The following CNTNAP5 variants were observed in gnomAD, a reference collection of about 807,000 sequenced individuals.
The protein encoded by CNTNAP5 is contactin-associated protein-like 5.
CNTNAP5 carries 72 observed loss-of-function variants against 150.2 expected under a neutral mutation model. That is an observed-to-expected ratio of 0.48 (90% CI 0.40 to 0.58). The LOEUF (loss-of-function observed/expected upper bound fraction) is 0.58, where lower values mean the gene tolerates loss of function less well. Among genes scored for constraint, CNTNAP5 ranks in the 20% least tolerant of loss-of-function variants. The pLI is 0.00. For synonymous variants in CNTNAP5, 672 were observed against 619.8 expected (o/e 1.08, Z -1.25); for missense variants, 1,636 against 1,626.2 (o/e 1.01, Z -0.10).
intron 19 of CNTNAP5, among the ~76,000 whole-genome samples, chr2:124,848,744 A>G (rs1464946907): frequency 6.6e-6 from 1 of 152,152 alleles, no homozygotes; most frequent in African/African-American, 2.4e-5. Flanking sequence ...CATTTCTCTG[A>G]TGAGTAGCGA....
intron 11 of CNTNAP5, among the ~76,000 whole-genome samples, chr2:124,589,811 A>G (rs1263502502): frequency 6.6e-6 from 1 of 152,194 alleles, no homozygotes; most frequent in African/African-American, 2.4e-5. Flanking sequence ...GACTTGCACA[A>G]TCACTGCCAT....
chr2:124,349,645 G>A (rs1360167781), intron 3 of CNTNAP5, among the ~76,000 whole-genome samples: 1 of 152,090 alleles, frequency 6.6e-6, no homozygotes, highest in Non-Finnish European at 1.5e-5. Context: ...CAATTCAGTG[G>A]CATTTCCTTC....
At chr2:124,626,559 C>G (rs1335555329) in intron 12 of CNTNAP5, among the ~76,000 whole-genome samples, 2 of 152,142 alleles carry the variant, frequency 1.3e-5, no homozygotes, top group African/African-American at 4.8e-5. Flanking sequence ...TGGATTTTTG[C>G]CATCTGTGGA....
intron 14 of CNTNAP5, among the ~76,000 whole-genome samples, chr2:124,753,612 C>A (rs1229040552): frequency 6.6e-6 from 1 of 152,160 alleles, no homozygotes; most frequent in Non-Finnish European, 1.5e-5. Context: ...ATCATATATT[C>A]CAGGTTTATT....
intron 6 of CNTNAP5, among the ~76,000 whole-genome samples, chr2:124,452,760 A>T (rs1453261351): frequency 6.6e-6 from 1 of 152,144 alleles, no homozygotes; most frequent in Non-Finnish European, 1.5e-5. Context: ...GGGTGGCCAG[A>T]TCCAGAAGAG....
intron 3 of CNTNAP5, among the ~76,000 whole-genome samples, chr2:124,348,907 A>C (rs1278560349): frequency 6.6e-6 from 1 of 152,112 alleles, no homozygotes; most frequent in Non-Finnish European, 1.5e-5. Flanking sequence ...AATTCTCTCT[A>C]TATGTCTATG....
At chr2:124,843,478 C>A (rs1447076790) in intron 19 of CNTNAP5, among the ~76,000 whole-genome samples, 1 of 152,112 alleles carries the variant, frequency 6.6e-6, no homozygotes, top group East Asian at 1.9e-4. Context: ...TATAAACATG[C>A]ATGTGCAAGT....
At chr2:124,250,002 TTTG>T (rs1236948278) in intron 3 of CNTNAP5, among the ~76,000 whole-genome samples, 6 of 151,576 alleles carry the variant, frequency 4.0e-5, no homozygotes, top group Non-Finnish European at 8.8e-5. Context: ...TATGTGTTTC[TTTG>T]TTGTTGTTTT....
At chr2:124,278,495 T>C (rs1443019909) in intron 3 of CNTNAP5, among the ~76,000 whole-genome samples, 1 of 152,094 alleles carries the variant, frequency 6.6e-6, no homozygotes, top group Middle Eastern at 3.2e-3. Flanking sequence ...CTATCCACAA[T>C]CAAAACAAAG....
intron 3 of CNTNAP5, among the ~76,000 whole-genome samples, chr2:124,405,199 C>T (rs1210896834): frequency 1.3e-5 from 2 of 151,990 alleles, no homozygotes; most frequent in East Asian, 1.9e-4. Flanking sequence ...CATGAGGCGG[C>T]GAGACTACAT....
intron 3 of CNTNAP5, among the ~76,000 whole-genome samples, chr2:124,341,032 T>C (rs1271011697): frequency 6.6e-6 from 1 of 151,726 alleles, no homozygotes; most frequent in Non-Finnish European, 1.5e-5. Flanking sequence ...GAGCTATGAC[T>C]GTGCCACTGC....
At chr2:124,527,493 C>G (rs80173284) in intron 10 of CNTNAP5, 37 bp downstream of exon 10, 8 of 1,522,888 alleles carry the variant, frequency 5.3e-6, no homozygotes, top group Non-Finnish European at 7.2e-6. Context: ...CTGCCACCCC[C>G]TTCCCATTCT....
At chr2:124,205,569 C>T (rs567675501) in intron 1 of CNTNAP5, among the ~76,000 whole-genome samples, 1 of 152,190 alleles carries the variant, frequency 6.6e-6, no homozygotes, top group African/African-American at 2.4e-5. Flanking sequence ...CAGGTGTGCA[C>T]CACCATGCCC....
At chr2:124,181,264 GAATT>G (rs1431457430) in intron 1 of CNTNAP5, among the ~76,000 whole-genome samples, 2 of 152,110 alleles carry the variant, frequency 1.3e-5, no homozygotes, top group Non-Finnish European at 2.9e-5. Context: ...AATAATTGTA[GAATT>G]AATTAAAGTA....
chr2:124,255,923 A>G (rs930372885), intron 3 of CNTNAP5, among the ~76,000 whole-genome samples: 1 of 152,206 alleles, frequency 6.6e-6, no homozygotes, highest in African/African-American at 2.4e-5. Context: ...GTCATTTTCA[A>G]GAAACATTAG....
chr2:124,699,830 CTCTT>C (rs1333690050), intron 13 of CNTNAP5, among the ~76,000 whole-genome samples: 3 of 151,772 alleles, frequency 2.0e-5, no homozygotes, highest in Middle Eastern at 3.4e-3. Flanking sequence ...TTCTTTCCTT[CTCTT>C]TCTTTCTTCT....
chr2:124,401,844 C>T (rs908199693), intron 3 of CNTNAP5, among the ~76,000 whole-genome samples: 36 of 152,168 alleles, frequency 2.4e-4, no homozygotes, highest in African/African-American at 7.5e-4. Context: ...ACTGCCCCTA[C>T]GGGAAGCTGG....
At chr2:124,129,673 T>C (rs1004462739) in intron 1 of CNTNAP5, among the ~76,000 whole-genome samples, 1 of 152,170 alleles carries the variant, frequency 6.6e-6, no homozygotes, top group East Asian at 1.9e-4. Flanking sequence ...GCAAACATAA[T>C]AGGCACATCT....
At chr2:124,671,474 G>C (rs1678822910) in intron 13 of CNTNAP5, among the ~76,000 whole-genome samples, 1 of 152,076 alleles carries the variant, frequency 6.6e-6, no homozygotes. Context: ...AAAGACAAAG[G>C]AGGAAAAAAT....
Sources: gnomAD v4.1 joint callset for allele counts (sites outside exome capture counted in the v4.1 genomes callset) on GRCh38, gnomAD v4.1.1 for gene constraint, MANE v1.5 for transcripts, NCBI Gene and HGNC (gene_info 2026-07-23, HGNC 2026-07-21) for gene names.